Variants in CORIN observed in about 807,000 individuals in gnomAD.
CORIN encodes the protein atrial natriuretic peptide-converting enzyme.
Under a neutral mutation model 125.3 loss-of-function variants are expected in CORIN, and 117 were observed. That is an observed-to-expected ratio of 0.93 (90% CI 0.80 to 1.09). CORIN has a LOEUF of 1.09. Ranked by LOEUF, CORIN falls within the 50% of genes least tolerant of loss-of-function variation. The pLI is 0.00. For missense variants in CORIN, 1,253 were observed against 1,306.7 expected (o/e 0.96, Z 0.63); for synonymous variants, 450 against 466.4 (o/e 0.96, Z 0.45).
chr4:47,665,365 T>C, intron 10 of CORIN, 102 bp from the exon 11 acceptor site: 1 of 783,840 alleles, frequency 1.3e-6, no homozygotes, highest in East Asian at 2.7e-5. Flanking sequence ...TTCTTTAGAG[T>C]AGCTAAGACT....
chr4:47,676,824 GAATA>G (rs1725040205), intron 9 of CORIN, among the ~76,000 whole-genome samples: 1 of 152,088 alleles, frequency 6.6e-6, no homozygotes, highest in Admixed American at 6.5e-5. Context: ...CAGAAAGAAA[GAATA>G]GTTTGATGCA....
intron 5 of CORIN, among the ~76,000 whole-genome samples, chr4:47,722,240 G>A (rs993652557): frequency 6.6e-5 from 10 of 152,166 alleles, no homozygotes; most frequent in Non-Finnish European, 1.0e-4. Flanking sequence ...AACTGTGGAA[G>A]GTGTTTCCTT....
At position 47,693,085 on chromosome 4, in the gene CORIN, T is replaced by TAA; in HGVS notation, c.800-4_800-3dup. 6.5e-7 allele frequency: 1 copy of TAA among 1,537,288 alleles called. No homozygotes were observed. Among genetic ancestry groups the TAA allele is most frequent in the Non-Finnish European group, 8.9e-7 (1 of 1,127,378 alleles). On this transcript the variant is annotated splice_polypyrimidine_tract_variant and splice_region_variant and intron_variant, in intron 5 of 21. Coordinates refer to ENST00000273857, the MANE Select transcript of CORIN (RefSeq NM_006587.4). The stretch of plus-strand genomic sequence containing the variant: ...AGTTCTCACCCCTTCCACAGAGCAC[T>TAA]AAAAAAAAAGGGCAGGAAATAATGT...
At chr4:47,623,069 C>CCTCTCTCTCTCTCTCTCTCTCTCT (rs372736248) in intron 19 of CORIN, among the ~76,000 whole-genome samples, 5 of 93,588 alleles carry the variant, frequency 5.3e-5, no homozygotes, top group African/African-American at 2.2e-4. Flanking sequence ...CATAACATAA[C>CCTCTCTCTCTCTCTCTCTCTCTCT]CTCTCTCTCT....
intron 16 of CORIN, among the ~76,000 whole-genome samples, chr4:47,638,831 C>T (rs1723127854): frequency 6.6e-6 from 1 of 152,210 alleles, no homozygotes; most frequent in Non-Finnish European, 1.5e-5. Flanking sequence ...CCAATCTGGG[C>T]TGAACTCTTG....
In CORIN at chr4:47,674,481, T is replaced by A. The variant is rs1246513308; in HGVS notation, c.1269A>T (p.Glu423Asp). The A allele has an allele frequency of 1.2e-6, 2 of 1,613,012 alleles. No homozygotes were observed. The highest frequency in any genetic ancestry group is 2.2e-5 in the South Asian group (2 of 91,062). The change falls in exon 10 of 22, where the codon GAA becomes GAT. Residue 423 changes from glutamate (E) to aspartate (D), a missense_variant. Physicochemically the swap from Glu to Asp is conservative, Grantham distance 45 (BLOSUM62 2). Transcript: ENST00000273857. ...NCSVIQTSCQ[E>D]GDQRCLYNPC... is the part of the protein sequence containing the mutation. ...GATTGTAGAGGCATCTTTGGTCTCCTTCTTGACATGAAGTCTGAACTACAG... is the reference window on the plus strand; with the variant it reads ...GATTGTAGAGGCATCTTTGGTCTCCATCTTGACATGAAGTCTGAACTACAG...
chr4:47,692,412 A>G (rs1186339166), intron 6 of CORIN, among the ~76,000 whole-genome samples: 1 of 152,162 alleles, frequency 6.6e-6, no homozygotes, highest in Non-Finnish European at 1.5e-5. Context: ...CTGAATCTAT[A>G]TTGGACAAAC....
intron 2 of CORIN, among the ~76,000 whole-genome samples, chr4:47,806,534 C>T (rs911515190): frequency 1.6e-4 from 24 of 152,104 alleles, no homozygotes; most frequent in African/African-American, 5.6e-4. Flanking sequence ...CCCATGGGAC[C>T]TTGTCTATAC....
intron 3 of CORIN, among the ~76,000 whole-genome samples, chr4:47,773,890 A>G (rs2109892374): frequency 6.6e-6 from 1 of 151,672 alleles, no homozygotes; most frequent in Admixed American, 6.6e-5. Flanking sequence ...TTTATTATTA[A>G]TTACTAAAAG....
chr4:47,729,289 A>T (rs982809955), intron 5 of CORIN, among the ~76,000 whole-genome samples: 7 of 152,244 alleles, frequency 4.6e-5, no homozygotes, highest in Non-Finnish European at 8.8e-5. Context: ...AAGTTTCTTC[A>T]TAAGAATTCT....
At chr4:47,674,847 A>G (rs1016144327) in intron 9 of CORIN, among the ~76,000 whole-genome samples, 19 of 152,222 alleles carry the variant, frequency 1.2e-4, no homozygotes, top group African/African-American at 4.1e-4. Context: ...AGGGACAGAG[A>G]ACGTTATAAA....
intron 4 of CORIN, among the ~76,000 whole-genome samples, chr4:47,753,198 A>C (rs2109852068): frequency 6.6e-6 from 1 of 152,274 alleles, no homozygotes; most frequent in Non-Finnish European, 1.5e-5. Context: ...AGGACTTTAA[A>C]AGGGGTGGGG....
intron 5 of CORIN, among the ~76,000 whole-genome samples, chr4:47,737,553 T>C (rs1728188365): frequency 6.6e-6 from 1 of 152,188 alleles, no homozygotes; most frequent in Admixed American, 6.5e-5. Flanking sequence ...CTTAATACAT[T>C]CCAGAACTCC....
rs527650969 is a variant in CORIN, at chr4:47,803,618, T to C, written c.208+3285A>G. Among the ~76,000 whole-genome samples the C allele has an allele frequency of 2.6e-5, 4 of 152,368 alleles. No homozygotes were observed. In the East Asian group the frequency reaches 7.7e-4, roughly 29 times the overall value. ...CATACATTGCGGAAAGAACAGTCTC[T>C]TCAATAAATTGTGCTTAAAAAACTG... On this transcript the variant is annotated intron_variant, in intron 2 of 21. Coordinates refer to ENST00000273857, the MANE Select transcript of CORIN (RefSeq NM_006587.4).
intron 1 of CORIN, among the ~76,000 whole-genome samples, chr4:47,823,433 C>T (rs1009561284): frequency 6.6e-6 from 1 of 152,172 alleles, no homozygotes; most frequent in Admixed American, 6.5e-5. Context: ...CTGAGGGCCC[C>T]TTGGTATGCA....
At chr4:47,660,095 T>TG (rs1724176748) in intron 12 of CORIN, among the ~76,000 whole-genome samples, 1 of 152,128 alleles carries the variant, frequency 6.6e-6, no homozygotes, top group Admixed American at 6.6e-5. Flanking sequence ...GAAAGGACAG[T>TG]CTCTTCAGTG....
intron 6 of CORIN, among the ~76,000 whole-genome samples, chr4:47,684,526 T>A (rs796115387): frequency 1.3e-5 from 2 of 152,344 alleles, no homozygotes; most frequent in South Asian, 2.1e-4. Context: ...CTACTAGCTG[T>A]GGGACTTTTA....
chr4:47,733,682 A>G (rs1727990815), intron 5 of CORIN, among the ~76,000 whole-genome samples: 1 of 152,208 alleles, frequency 6.6e-6, no homozygotes, highest in Admixed American at 6.5e-5. Flanking sequence ...CCTGAACTTT[A>G]GCCCCCTGAG....
chr4:47,638,894 A>ATC (rs1021505382), intron 16 of CORIN, among the ~76,000 whole-genome samples: 4 of 152,184 alleles, frequency 2.6e-5, no homozygotes, highest in Admixed American at 2.0e-4. Flanking sequence ...AGAACTCTAA[A>ATC]TCTTCTCATC....
Sources: gnomAD v4.1 joint callset for allele counts (sites outside exome capture counted in the v4.1 genomes callset) on GRCh38, gnomAD v4.1.1 for gene constraint, MANE v1.5 for transcripts, NCBI Gene and HGNC (gene_info 2026-07-23, HGNC 2026-07-21) for gene names.